The following SLC25A30 variants were observed in gnomAD, a reference collection of about 807,000 sequenced individuals.
The protein encoded by SLC25A30 is kidney mitochondrial carrier protein 1.
In SLC25A30, 29 loss-of-function variants were observed where a neutral mutation model predicts 42.7. The observed-to-expected ratio is 0.68, with a 90% CI of 0.51 to 0.93. The LOEUF (loss-of-function observed/expected upper bound fraction) is 0.93, where lower values mean the gene tolerates loss of function less well. SLC25A30 is among the 40% of genes least tolerant of loss of function. The probability of loss-of-function intolerance (pLI) is 0.00; values close to 1 mark genes in which losing one functional copy is unlikely to be tolerated. For missense variants in SLC25A30, 300 were observed against 359.7 expected, an observed-to-expected ratio of 0.83 and a Z score of 1.34; for synonymous variants, 124 against 131.0, an observed-to-expected ratio of 0.95 and a Z score of 0.37.
At chr13:45,403,734 A>G (rs1263328850) in intron 5 of SLC25A30, among the ~76,000 whole-genome samples, 1 of 151,916 alleles carries the variant, frequency 6.6e-6, no homozygotes, top group Non-Finnish European at 1.5e-5. Flanking sequence ...TCAGGAGTTC[A>G]AGACCAGCCT....
chr13:45,413,842 C>T (rs888705318), intron 1 of SLC25A30, among the ~76,000 whole-genome samples: 3 of 152,206 alleles, frequency 2.0e-5, no homozygotes, highest in Admixed American at 6.5e-5. Flanking sequence ...CCTGAGCCAC[C>T]GTGCCTGGCC....
At position 45,393,623 on chromosome 13, in the gene SLC25A30, A is replaced by T; in HGVS notation, c.*2351T>A. ...TATTTAAGAAAACCCAAAGGTGGGG[A>T]GGTACTTATAGCCAGAACCCTGACA... is the stretch of plus-strand genomic sequence containing the variant. On this transcript the variant is annotated 3_prime_UTR_variant, in exon 10 of 10. Coordinates refer to ENST00000519676, the MANE Select transcript of SLC25A30 (RefSeq NM_001010875.4). The T allele has an allele frequency of 9.1e-6, 9 of 985,442 alleles. No individual in the cohort carries two copies. Among genetic ancestry groups the T allele is most frequent in the Non-Finnish European group, 1.1e-5 (9 of 829,936 alleles). 61.0% of individuals were successfully genotyped at this position (985,442 alleles called of 1,614,324 possible). A position where few individuals can be genotyped will look rare whatever the true frequency, so the allele number is the denominator to read the frequency against.
intron 7 of SLC25A30, among the ~76,000 whole-genome samples, 192 bp downstream of exon 7, chr13:45,400,891 C>T (rs565051930): frequency 2.0e-5 from 3 of 152,250 alleles, no homozygotes; most frequent in East Asian, 1.9e-4. Context: ...GACATATTTG[C>T]ATACACGTAG....
rs1264600649 is a variant in SLC25A30, at chr13:45,394,702, AAAG to A, written c.*1269_*1271del. 1 of 985,110 alleles carries A rather than the reference AAAG, an allele frequency of 1.0e-6. No individual in the cohort carries two copies. The highest frequency in any genetic ancestry group is 1.2e-6 in the Non-Finnish European group (1 of 829,646). The allele number at this position is 985,110 out of a possible 1,614,324, so 61.0% of individuals were successfully genotyped here. ...AGAATAAGAAAATAGAAAAAGAAAA[AAAG>A]AAGAGGGAGAATGACTTATTGTGTC... On this transcript the variant is annotated 3_prime_UTR_variant, in exon 10 of 10. Transcript: ENST00000519676.
chr13:45,427,065 A>G, the SLC25A30 span, among the ~76,000 whole-genome samples: 1 of 152,138 alleles, frequency 6.6e-6, no homozygotes, highest in Non-Finnish European at 1.5e-5. Flanking sequence ...TGATGAAAAA[A>G]AATCAGGACA....
In SLC25A30 at chr13:45,411,490, A is replaced by G; in HGVS notation, c.-55-10T>C. ...TCCAGTGCTGTTTTTCCTGGACACA[A>G]CAATAAGATATTATCAAGCTGTAAC... On this transcript the variant is annotated splice_polypyrimidine_tract_variant and intron_variant, in intron 1 of 9. Coordinates refer to ENST00000519676, the MANE Select transcript of SLC25A30 (RefSeq NM_001010875.4). 1.3e-6 allele frequency: 2 copies of G among 1,493,050 alleles called. No homozygotes were observed. The highest frequency in any genetic ancestry group is 1.1e-5 in the South Asian group (1 of 87,690). 92.5% of individuals were successfully genotyped at this position (1,493,050 alleles called of 1,614,324 possible).
the SLC25A30 span, among the ~76,000 whole-genome samples, chr13:45,423,721 A>T: frequency 5.1e-3 from 40 of 7,778 alleles, no homozygotes; most frequent in Non-Finnish European, 8.5e-3. Context: ...AACATATATA[A>T]ATATATATAA....
chr13:45,404,595 G>T (rs1882321134), intron 4 of SLC25A30, among the ~76,000 whole-genome samples, 183 bp from the exon 5 acceptor site: 1 of 152,170 alleles, frequency 6.6e-6, no homozygotes, highest in African/African-American at 2.4e-5. Flanking sequence ...AAGGTGGGGA[G>T]ATCACTTGAG....
chr13:45,418,120 G>C (rs376420677), intron 1 of SLC25A30, 180 bp downstream of exon 1: 1 of 153,350 alleles, frequency 6.5e-6, no homozygotes, highest in South Asian at 2.1e-4. Context: ...CCAGTCCCCG[G>C]AACCTCGCGC....
At chr13:45,402,534 A>G (rs1882096393) in intron 5 of SLC25A30, among the ~76,000 whole-genome samples, 164 bp from the exon 6 acceptor site, 1 of 152,222 alleles carries the variant, frequency 6.6e-6, no homozygotes, top group South Asian at 2.1e-4. Flanking sequence ...TAAAATGACT[A>G]AAACGTATAA....
chr13:45,416,649 T>C (rs770092678), intron 1 of SLC25A30, among the ~76,000 whole-genome samples: 1 of 151,982 alleles, frequency 6.6e-6, no homozygotes, highest in Non-Finnish European at 1.5e-5. Context: ...TACGCGACTC[T>C]AGTCCCAGCT....
chr13:45,409,072 T>C lies in SLC25A30; in HGVS notation c.67A>G (p.Thr23Ala). The stretch of plus-strand genomic sequence containing the variant: ...GTCTTGGTTAAATCAATTGGAAATG[T>C]ACCTTAAAATTTAAAAAGAAATTCA... ...GLASITAECG[T>A]FPIDLTKTRL... Residue 23 changes from threonine to alanine, a missense_variant and splice_region_variant, in exon 3 of 10, where the codon ACA (threonine) becomes GCA (alanine). Physicochemically the swap from Thr to Ala is moderately conservative, Grantham distance 58. Transcript: ENST00000519676. The C allele has an allele frequency of 6.3e-7, 1 of 1,592,202 alleles. No individual in the cohort carries two copies. The highest frequency in any genetic ancestry group is 8.5e-7 in the Non-Finnish European group (1 of 1,171,924).
the SLC25A30 span, among the ~76,000 whole-genome samples, chr13:45,423,576 T>C: frequency 4.9e-5 from 4 of 81,516 alleles, 1 homozygote; most frequent in Non-Finnish European, 1.0e-4. Context: ...TAAATATATA[T>C]AAAAATATAT....
chr13:45,424,169 CAA>C, the SLC25A30 span, among the ~76,000 whole-genome samples: 4 of 21,328 alleles, frequency 1.9e-4, no homozygotes, highest in Non-Finnish European at 3.4e-4. Flanking sequence ...AGAAATATAT[CAA>C]TATATATAAA....
intron 1 of SLC25A30, 188 bp from the exon 2 acceptor site, chr13:45,411,668 A>G (rs914854041): frequency 2.0e-5 from 10 of 504,992 alleles, no homozygotes; most frequent in Non-Finnish European, 3.6e-5. Flanking sequence ...ACAATTTCCA[A>G]TCTTACTTTA....
chr13:45,428,557 C>G, the SLC25A30 span, among the ~76,000 whole-genome samples: 1 of 124,082 alleles, frequency 8.1e-6, no homozygotes, highest in Non-Finnish European at 1.6e-5. Flanking sequence ...GAGTCCAGCT[C>G]TGTCACCCAG....
rs1247016346 is a variant in SLC25A30 at position 45,400,024 on chromosome 13, A to ATG, written c.615-947_615-946insCA. 2.7e-3 allele frequency among the ~76,000 whole-genome samples: 333 copies of ATG among 124,306 alleles called. 7 individuals carry two copies. The highest frequency in any genetic ancestry group is 0.022 in the South Asian group (76 of 3,408). The allele number at this position is 124,306 out of a possible 152,430, so 81.5% of individuals were successfully genotyped here. On this transcript the variant is annotated intron_variant, in intron 7 of 9. Transcript: ENST00000519676. ...ATGGATTATGTATGATTATATATAT[A>ATG]TATATATATACACACACACACACAC...
At position 45,394,827 on chromosome 13, in the gene SLC25A30, G is replaced by T. The variant is rs185204423; in HGVS notation, c.*1147C>A. On this transcript the variant is annotated 3_prime_UTR_variant, in exon 10 of 10. Transcript: ENST00000519676. Reference sequence around the variant, plus strand: ...AAATCATTTTTAAAATTTCAAGCAGGTATTTTCCATCCAAACTAAACAGAA... The same window carrying T: ...AAATCATTTTTAAAATTTCAAGCAGTTATTTTCCATCCAAACTAAACAGAA... 1.4e-4 allele frequency: 134 copies of T among 985,334 alleles called. No individual in the cohort carries two copies. In the African/African-American group the frequency reaches 2.3e-3, roughly 17 times the overall value. 61.0% of individuals were successfully genotyped at this position (985,334 alleles called of 1,614,324 possible).
chr13:45,424,059 A>G, the SLC25A30 span, among the ~76,000 whole-genome samples: 2 of 105,526 alleles, frequency 1.9e-5, no homozygotes, highest in African/African-American at 8.0e-5. Flanking sequence ...AAATCTATAA[A>G]AATATATATA....
Sources: gnomAD v4.1 joint callset for allele counts (sites outside exome capture counted in the v4.1 genomes callset) on GRCh38, gnomAD v4.1.1 for gene constraint, MANE v1.5 for transcripts, NCBI Gene and HGNC (gene_info 2026-07-23, HGNC 2026-07-21) for gene names.